TRIP12: variants seen among roughly 807,000 people sequenced by gnomAD.
TRIP12 encodes the protein E3 ubiquitin-protein ligase TRIP12.
Under a neutral mutation model 244.2 loss-of-function variants are expected in TRIP12, and 25 were observed. That is an observed-to-expected ratio of 0.10 (90% CI 0.07 to 0.14). The LOEUF (loss-of-function observed/expected upper bound fraction) is 0.14, where lower values mean the gene tolerates loss of function less well. Among genes scored for constraint, TRIP12 ranks in the 10% least tolerant of loss-of-function variants. The pLI, the probability that TRIP12 is intolerant of heterozygous loss-of-function variation, is 1.00. For synonymous variants in TRIP12, 905 were observed against 873.1 expected (o/e 1.04, Z -0.64); for missense variants, 1,677 against 2,486.4 (o/e 0.67, Z 6.92).
chr2:229,874,675 G>GA (rs1199042510), intron 2 of TRIP12, among the ~76,000 whole-genome samples: 7 of 151,314 alleles, frequency 4.6e-5, no homozygotes, highest in African/African-American at 1.2e-4. Context: ...GTGGAATTTT[G>GA]AAAAAAACAA....
rs531004265 is a variant in TRIP12, at chr2:229,917,136, T to C, written c.-50+4744A>G. 2.0e-5 allele frequency among the ~76,000 whole-genome samples: 3 copies of C among 152,184 alleles called. No homozygotes were observed. The East Asian group carries it at 5.8e-4, about 29-fold the overall frequency. ...TGGCTCACGCCTGTAATCCCAGCAC[T>C]TTGGGAGTCCAAGGCGGGTGGATCA... On this transcript the variant is annotated intron_variant, in intron 1 of 41. Coordinates refer to ENST00000675903, the MANE Select transcript of TRIP12 (RefSeq NM_001348323.3).
upstream of TRIP12, chr2:229,922,754 T>TCACCTCGGC (rs1039327201): frequency 1.1e-4 from 85 of 787,956 alleles, no homozygotes; most frequent in Non-Finnish European, 1.6e-4. Flanking sequence ...ATTTTCCTCG[T>TCACCTCGGC]CACCTCGGCC....
At chr2:229,813,809 T>A in intron 13 of TRIP12, 61 bp downstream of exon 13, 1 of 1,202,540 alleles carries the variant, frequency 8.3e-7, no homozygotes, top group Non-Finnish European at 1.1e-6. Context: ...AAATAAAATA[T>A]AAAATTAAAA....
At chr2:229,779,139 T>C (rs1043028595) in intron 34 of TRIP12, 149 bp from the exon 35 acceptor site, 2 of 665,208 alleles carry the variant, frequency 3.0e-6, no homozygotes, top group African/African-American at 1.8e-5. Flanking sequence ...GATTTATTCT[T>C]TCAGTCCTGG....
chr2:229,819,581 G>C (rs569706051), intron 8 of TRIP12, among the ~76,000 whole-genome samples: 5 of 152,126 alleles, frequency 3.3e-5, no homozygotes, highest in Non-Finnish European at 5.9e-5. Flanking sequence ...TAAAGTCTAT[G>C]AATGTGTTTC....
chr2:229,797,586 G>C (rs2043136361), intron 24 of TRIP12, 104 bp downstream of exon 24: 9 of 1,423,766 alleles, frequency 6.3e-6, no homozygotes, highest in Non-Finnish European at 1.9e-6. Flanking sequence ...GTCGATGTAG[G>C]ATAGCTAAAT....
At chr2:229,864,035 AGAGAGAGAGAGAGTGTGTGTGT>A (rs1202028580) in intron 2 of TRIP12, among the ~76,000 whole-genome samples, 5 of 133,158 alleles carry the variant, frequency 3.8e-5, no homozygotes, top group Admixed American at 1.5e-4. Context: ...AGAGAGAGAG[AGAGAGAGAGAGAGTGTGTGTGT>A]GTGTGTGTGT....
chr2:229,860,571 T>A, intron 2 of TRIP12, 40 bp from the exon 3 acceptor site: 2 of 1,562,988 alleles, frequency 1.3e-6, no homozygotes, highest in Non-Finnish European at 1.7e-6. Context: ...ATCAGGAAAC[T>A]GAGATGCAAA....
intron 1 of TRIP12, among the ~76,000 whole-genome samples, chr2:229,891,206 A>G (rs772954244): frequency 5.9e-5 from 9 of 151,894 alleles, no homozygotes; most frequent in African/African-American, 2.2e-4. Flanking sequence ...GGATCACTTG[A>G]TCTCAGGAGT....
chr2:229,784,288 A>C (rs757221263), intron 34 of TRIP12, among the ~76,000 whole-genome samples: 20 of 151,568 alleles, frequency 1.3e-4, no homozygotes, highest in Non-Finnish European at 2.9e-4. Flanking sequence ...CAAGGTAATT[A>C]AATAGGAAAA....
intron 23 of TRIP12, among the ~76,000 whole-genome samples, chr2:229,798,308 T>A (rs1010952845): frequency 3.3e-5 from 5 of 152,194 alleles, no homozygotes; most frequent in Non-Finnish European, 5.9e-5. Flanking sequence ...ATTATTTTTA[T>A]ACACTGAAAT....
chr2:229,841,963 A>C (rs1416035876), intron 4 of TRIP12, among the ~76,000 whole-genome samples: 3 of 152,214 alleles, frequency 2.0e-5, no homozygotes, highest in Non-Finnish European at 2.9e-5. Flanking sequence ...CAGTTCATTC[A>C]ACTTGGGATG....
At position 229,767,730 on chromosome 2, in the gene TRIP12, G is replaced by A; in HGVS notation, c.6028C>T (p.Pro2010Ser). Residue 2010 changes from proline (P) to serine (S), a missense_variant, in exon 42 of 42, where the codon CCT (proline) becomes TCT (serine). Coordinates refer to ENST00000675903, the MANE Select transcript of TRIP12 (RefSeq NM_001348323.3). ...AACGTCTTTCGGACAATTGTCAAAG[G>A]TGGATTCAAACTCCGGAATCCTGAT... is the stretch of plus-strand genomic sequence containing the variant. ...PVGGFRSLNP[P>S]LTIVRKTFES... 1 of 1,612,080 alleles carries A rather than the reference G, an allele frequency of 6.2e-7. No individual in the cohort carries two copies. The highest frequency in any genetic ancestry group is 8.5e-7 in the Non-Finnish European group (1 of 1,179,474).
At chr2:229,849,695 T>C (rs1414541389) in intron 4 of TRIP12, among the ~76,000 whole-genome samples, 6 of 151,958 alleles carry the variant, frequency 3.9e-5, no homozygotes, top group Non-Finnish European at 2.9e-5. Flanking sequence ...AGACCTCATC[T>C]CTACAAAAAA....
chr2:229,798,464 TA>T (rs34468486), intron 23 of TRIP12, among the ~76,000 whole-genome samples: 5,921 of 134,182 alleles, frequency 0.044, 284 homozygotes, highest in African/African-American at 0.13. Context: ...CCCAAGGACT[TA>T]AAAAAAAAAA....
At chr2:229,852,447 A>G (rs1227730502) in intron 4 of TRIP12, among the ~76,000 whole-genome samples, 2 of 152,286 alleles carry the variant, frequency 1.3e-5, no homozygotes, top group East Asian at 3.9e-4. Context: ...TATTTAAAGT[A>G]TATTAAAATA....
At chr2:229,779,634 C>T (rs1191484687) in intron 34 of TRIP12, among the ~76,000 whole-genome samples, 1 of 152,122 alleles carries the variant, frequency 6.6e-6, no homozygotes, top group African/African-American at 2.4e-5. Flanking sequence ...GGACTAACGG[C>T]CTCATACAGG....
chr2:229,794,249 T>C (rs555781049), intron 26 of TRIP12, among the ~76,000 whole-genome samples: 1 of 152,296 alleles, frequency 6.6e-6, no homozygotes, highest in African/African-American at 2.4e-5. Context: ...GTTTTTTAAA[T>C]GTTTTTAAAA....
intron 11 of TRIP12, 183 bp from the exon 12 acceptor site, chr2:229,814,508 C>A: frequency 2.0e-6 from 1 of 493,258 alleles, no homozygotes; most frequent in Non-Finnish European, 3.5e-6. Context: ...TCCTTCTAAC[C>A]AGTTTGCAGT....
Sources: allele counts gnomAD v4.1 joint callset (sites outside exome capture counted in the v4.1 genomes callset), GRCh38; gene constraint gnomAD v4.1.1; transcripts MANE v1.5; gene names NCBI Gene and HGNC (gene_info 2026-07-23, HGNC 2026-07-21).